MYL10: variants seen among roughly 807,000 people sequenced by gnomAD.
MYL10 encodes myosin light chain 10.
MYL10 carries 18 observed loss-of-function variants against 21.9 expected under a neutral mutation model. That is an observed-to-expected ratio of 0.82 (90% CI 0.57 to 1.22). The LOEUF (loss-of-function observed/expected upper bound fraction) is 1.22, where lower values mean the gene tolerates loss of function less well. Ranked by LOEUF, MYL10 falls within the 50% of genes most tolerant of loss-of-function variation. The pLI is 0.00. For missense variants in MYL10, 225 were observed against 230.4 expected, an observed-to-expected ratio of 0.98 and a Z score of 0.15; for synonymous variants, 88 against 82.8, an observed-to-expected ratio of 1.06 and a Z score of -0.34.
chr7:101,618,059 G>A (rs913621520), intron 5 of MYL10, among the ~76,000 whole-genome samples: 1 of 152,264 alleles, frequency 6.6e-6, no homozygotes, highest in Admixed American at 6.5e-5. Context: ...ATCGGACTAG[G>A]AACTAGCCAG....
chr7:101,623,078 A>G lies in MYL10; in HGVS notation c.274-6T>C. Reference sequence around the variant, plus strand: ...TGGTCCATGATGGTGAAAGCCTGGCAGAGACACAGGTGCTAAGTAGTCACC... The same window carrying G: ...TGGTCCATGATGGTGAAAGCCTGGCGGAGACACAGGTGCTAAGTAGTCACC... On this transcript the variant is annotated splice_polypyrimidine_tract_variant and splice_region_variant and intron_variant, in intron 3 of 7. Transcript: ENST00000223167. 6.2e-7 allele frequency: 1 copy of G among 1,613,556 alleles called. No individual in the cohort carries two copies. Among genetic ancestry groups the G allele is most frequent in the South Asian group, 1.1e-5 (1 of 91,064 alleles).
At chr7:101,623,437 G>C (rs1049433379) in intron 3 of MYL10, among the ~76,000 whole-genome samples, 1 of 152,202 alleles carries the variant, frequency 6.6e-6, no homozygotes. Context: ...GCTCATGCCT[G>C]CAGTCCCAGC....
chr7:101,615,543 C>T (rs1186538345), intron 6 of MYL10, among the ~76,000 whole-genome samples: 1 of 148,536 alleles, frequency 6.7e-6, no homozygotes, highest in Non-Finnish European at 1.5e-5. Context: ...CAAACATGCA[C>T]ATGCCAAGCC....
intron 1 of MYL10, among the ~76,000 whole-genome samples, chr7:101,627,899 T>C (rs1796765871): frequency 6.6e-6 from 1 of 152,148 alleles, no homozygotes; most frequent in South Asian, 2.1e-4. Context: ...CCACTCAGAC[T>C]GCAGTGTGGC....
intron 6 of MYL10, among the ~76,000 whole-genome samples, chr7:101,614,522 C>T (rs1796586413): frequency 6.6e-6 from 1 of 152,190 alleles, no homozygotes. Flanking sequence ...AATTAGGTCC[C>T]CAAAGGGTCT....
intron 5 of MYL10, among the ~76,000 whole-genome samples, chr7:101,618,188 T>C (rs1373465663): frequency 2.6e-5 from 4 of 152,238 alleles, no homozygotes; most frequent in Non-Finnish European, 4.4e-5. Context: ...GGACTGCCTC[T>C]GGGCAGGGTG....
At chr7:101,627,979 TA>T (rs1321189557) in intron 1 of MYL10, among the ~76,000 whole-genome samples, 1 of 152,150 alleles carries the variant, frequency 6.6e-6, no homozygotes, top group Non-Finnish European at 1.5e-5. Context: ...CTCATAGGAA[TA>T]GGGGGGAGTG....
rs548561724 is a variant in MYL10 at position 101,619,729 on chromosome 7, A to C, written c.454+2367T>G. Among the ~76,000 whole-genome samples the C allele has an allele frequency of 6.6e-5, 10 of 152,044 alleles. No homozygotes were observed. The South Asian group carries it at 2.1e-3, about 32-fold the overall frequency. ...ACAGTGAAACCCCATCTCCACTAAA[A>C]ATACAAAAAAATTAGACGAGCGTGG... On this transcript the variant is annotated intron_variant, in intron 5 of 7. Transcript: ENST00000223167.
intron 4 of MYL10, 130 bp downstream of exon 4, chr7:101,622,867 C>G: frequency 1.4e-6 from 1 of 734,366 alleles, no homozygotes; most frequent in Non-Finnish European, 2.2e-6. Flanking sequence ...CAGACAGTGG[C>G]TGCCTTTACC....
intron 1 of MYL10, among the ~76,000 whole-genome samples, chr7:101,628,047 G>A (rs574176179): frequency 6.6e-6 from 1 of 152,334 alleles, no homozygotes; most frequent in East Asian, 1.9e-4. Flanking sequence ...GGCCCTCGGG[G>A]GCCCCTTCTA....
chr7:101,619,159 A>G lies in MYL10; in HGVS notation c.455-2861T>C, dbSNP rs1006902885. On this transcript the variant is annotated intron_variant, in intron 5 of 7. Coordinates refer to ENST00000223167, the MANE Select transcript of MYL10 (RefSeq NM_138403.5). Reference sequence around the variant, plus strand: ...GCCTCCTTCAGTTATGTGCCTGTGGATAAAAGAATCAGGCCTGTCTGCTTC... The same window carrying G: ...GCCTCCTTCAGTTATGTGCCTGTGGGTAAAAGAATCAGGCCTGTCTGCTTC... 2.0e-5 allele frequency among the ~76,000 whole-genome samples: 3 copies of G among 152,316 alleles called. 1 individual carries two copies. Among genetic ancestry groups the G allele is most frequent in the Admixed American group, 2.0e-4 (3 of 15,298 alleles).
At chr7:101,624,521 G>A (rs547761411) in intron 1 of MYL10, among the ~76,000 whole-genome samples, 39 of 152,330 alleles carry the variant, frequency 2.6e-4, no homozygotes, top group African/African-American at 8.4e-4. Flanking sequence ...CCCGGGCTCC[G>A]GAAGGTGGGC....
At chr7:101,622,328 C>CT in intron 4 of MYL10, 128 bp from the exon 5 acceptor site, 1 of 625,594 alleles carries the variant, frequency 1.6e-6, no homozygotes, top group Non-Finnish European at 2.7e-6. Flanking sequence ...GCCCTGACGC[C>CT]TTTTTGGGGG....
intron 5 of MYL10, among the ~76,000 whole-genome samples, chr7:101,620,626 A>T (rs1471221410): frequency 6.6e-6 from 1 of 152,146 alleles, no homozygotes; most frequent in Non-Finnish European, 1.5e-5. Flanking sequence ...AAATCTGTGC[A>T]AGGTCAACCT....
chr7:101,616,281 TCTC>T lies in MYL10; in HGVS notation c.469_471del (p.Glu157del). On this transcript the variant is annotated inframe_deletion, in exon 6 of 8. Transcript: ENST00000223167. ...AACACTTTGAAGGCGTGGAGAATGG[TCTC>T]CTCTGGGTCCGTGCCTATAAGCAGC... 1 of 1,613,958 alleles carries T rather than the reference TCTC, an allele frequency of 6.2e-7. No homozygotes were observed. Among genetic ancestry groups the T allele is most frequent in the Non-Finnish European group, 8.5e-7 (1 of 1,179,972 alleles).
intron 5 of MYL10, 108 bp downstream of exon 5, chr7:101,621,988 C>T (rs1796684240): frequency 1.2e-6 from 1 of 833,838 alleles, no homozygotes; most frequent in Non-Finnish European, 1.9e-6. Flanking sequence ...TCTGGGGCCA[C>T]ATCATGCTCC....
At chr7:101,619,846 C>T (rs1448381787) in intron 5 of MYL10, among the ~76,000 whole-genome samples, 2 of 148,264 alleles carry the variant, frequency 1.3e-5, no homozygotes, top group African/African-American at 5.1e-5. Context: ...GCCAAGATCA[C>T]ACCACTGCAC....
intron 5 of MYL10, among the ~76,000 whole-genome samples, chr7:101,620,157 A>G (rs966907279): frequency 6.6e-6 from 1 of 152,106 alleles, no homozygotes; most frequent in African/African-American, 2.4e-5. Flanking sequence ...CGGTATCTCT[A>G]CTAAAAATAC....
intron 6 of MYL10, among the ~76,000 whole-genome samples, chr7:101,615,727 C>T (rs891116163): frequency 2.1e-5 from 3 of 145,730 alleles, no homozygotes; most frequent in Non-Finnish European, 4.5e-5. Flanking sequence ...GACAGTCTCA[C>T]TCTGTCGCCC....
Sources: allele counts gnomAD v4.1 joint callset (sites outside exome capture counted in the v4.1 genomes callset), GRCh38; gene constraint gnomAD v4.1.1; transcripts MANE v1.5; gene names NCBI Gene and HGNC (gene_info 2026-07-23, HGNC 2026-07-21).